LOC128092252: variants seen among roughly 807,000 people sequenced by gnomAD.
At chr15:50,668,957 G>A in the LOC128092252 span, among the ~76,000 whole-genome samples, 1 of 152,176 alleles carries the variant, frequency 6.6e-6, no homozygotes, top group Non-Finnish European at 1.5e-5. Flanking sequence ...CCAATTAAAA[G>A]CTGCTTGGGA....
chr15:50,674,059 G>C, the LOC128092252 span, among the ~76,000 whole-genome samples: 1 of 152,130 alleles, frequency 6.6e-6, no homozygotes, highest in Non-Finnish European at 1.5e-5. Context: ...CATGATCTCG[G>C]CTCACTGCAA....
chr15:50,672,023 T>TA, the LOC128092252 span, among the ~76,000 whole-genome samples: 3 of 152,224 alleles, frequency 2.0e-5, no homozygotes, highest in Non-Finnish European at 2.9e-5. Flanking sequence ...TTTTTATGGT[T>TA]AGAGTGTACT....
At chr15:50,684,109 G>A in the LOC128092252 span, among the ~76,000 whole-genome samples, 9 of 151,138 alleles carry the variant, frequency 6.0e-5, no homozygotes, top group African/African-American at 1.5e-4. Flanking sequence ...TCAGCCTGTC[G>A]CCGCCTCCCA....
chr15:50,658,005 A>ATTT, the LOC128092252 span, among the ~76,000 whole-genome samples: 7 of 139,294 alleles, frequency 5.0e-5, no homozygotes, highest in East Asian at 2.1e-4. Flanking sequence ...GACAGTCTCA[A>ATTT]TTTTTTTTTT....
chr15:50,666,799 C>G, the LOC128092252 span, among the ~76,000 whole-genome samples: 1 of 151,596 alleles, frequency 6.6e-6, no homozygotes, highest in Non-Finnish European at 1.5e-5. Flanking sequence ...CAAAAACTGT[C>G]TCCAAAAAAA....
chr15:50,665,901 G>A, the LOC128092252 span, among the ~76,000 whole-genome samples: 1 of 152,012 alleles, frequency 6.6e-6, no homozygotes, highest in Non-Finnish European at 1.5e-5. Flanking sequence ...ACTGAGGCAG[G>A]AGAACTGCTT....
At chr15:50,672,831 A>G in the LOC128092252 span, among the ~76,000 whole-genome samples, 1 of 141,182 alleles carries the variant, frequency 7.1e-6, no homozygotes, top group South Asian at 2.4e-4. Context: ...AATCGCTTGA[A>G]CCAGGGAAGC....
the LOC128092252 span, among the ~76,000 whole-genome samples, chr15:50,658,894 G>A: frequency 3.3e-5 from 5 of 152,146 alleles, no homozygotes; most frequent in Admixed American, 1.3e-4. Flanking sequence ...TAAATAGGCT[G>A]CAACAATTAA....
chr15:50,667,393 T>C, the LOC128092252 span, among the ~76,000 whole-genome samples: 1 of 152,140 alleles, frequency 6.6e-6, no homozygotes, highest in Non-Finnish European at 1.5e-5. Flanking sequence ...TGAAAGAGCT[T>C]TGATTAACTG....
chr15:50,686,305 G>T, the LOC128092252 span, among the ~76,000 whole-genome samples: 1 of 152,184 alleles, frequency 6.6e-6, no homozygotes, highest in Non-Finnish European at 1.5e-5. Flanking sequence ...CGGCTCAGGG[G>T]ATTCCCGCGA....
chr15:50,655,437 GA>G, the LOC128092252 span, among the ~76,000 whole-genome samples: 21 of 89,416 alleles, frequency 2.3e-4, 1 homozygote, highest in Middle Eastern at 6.7e-3. Context: ...CATCTCAAAG[GA>G]AAAAAAAAAC....
the LOC128092252 span, among the ~76,000 whole-genome samples, chr15:50,677,691 A>T: frequency 6.8e-6 from 1 of 146,084 alleles, no homozygotes; most frequent in African/African-American, 2.5e-5. Flanking sequence ...GTGAGCTGAG[A>T]TCACGCCACT....
chr15:50,672,766 C>T, the LOC128092252 span, among the ~76,000 whole-genome samples: 5,292 of 151,114 alleles, frequency 0.035, 311 homozygotes, highest in African/African-American at 0.12. Flanking sequence ...AAAAATTAGC[C>T]AAGTGTGGTG....
At chr15:50,672,891 T>A in the LOC128092252 span, among the ~76,000 whole-genome samples, 1 of 99,124 alleles carries the variant, frequency 1.0e-5, no homozygotes, top group Non-Finnish European at 1.8e-5. Context: ...AGAGTGAGAC[T>A]CTGTCTCAAA....
At chr15:50,673,346 G>T in the LOC128092252 span, among the ~76,000 whole-genome samples, 1 of 152,140 alleles carries the variant, frequency 6.6e-6, no homozygotes, top group African/African-American at 2.4e-5. Context: ...GTGGTGACTT[G>T]TGAGATTTTG....
At chr15:50,649,807 A>G in the LOC128092252 span, among the ~76,000 whole-genome samples, 1 of 152,146 alleles carries the variant, frequency 6.6e-6, no homozygotes, top group Non-Finnish European at 1.5e-5. Context: ...AAGCCAAGGC[A>G]GCTAGAGTTT....
the LOC128092252 span, chr15:50,662,958 T>G: frequency 6.2e-7 from 1 of 1,602,118 alleles, no homozygotes. Flanking sequence ...GTAACAAAGG[T>G]GTGCTTACCT....
the LOC128092252 span, among the ~76,000 whole-genome samples, chr15:50,670,417 T>C: frequency 2.0e-5 from 3 of 151,896 alleles, no homozygotes; most frequent in African/African-American, 7.3e-5. Context: ...ATAAAACAGG[T>C]TGCACTAAAA....
chr15:50,663,301 T>C, the LOC128092252 span, among the ~76,000 whole-genome samples: 1 of 152,190 alleles, frequency 6.6e-6, no homozygotes, highest in East Asian at 1.9e-4. Context: ...GATAATTTTG[T>C]ATTTTTTTAG....
Sources: allele counts gnomAD v4.1 joint callset (sites outside exome capture counted in the v4.1 genomes callset), GRCh38; gene constraint gnomAD v4.1.1; transcripts MANE v1.5.